Variants in ZNF827 observed in about 807,000 individuals in gnomAD.
ZNF827 encodes zinc finger protein 827.
In ZNF827, 13 loss-of-function variants were observed where a neutral mutation model predicts 102.4. The observed-to-expected ratio is 0.13, with a 90% CI of 0.08 to 0.20. The LOEUF (loss-of-function observed/expected upper bound fraction) is 0.20, where lower values mean the gene tolerates loss of function less well. Among genes scored for constraint, ZNF827 ranks in the 10% least tolerant of loss-of-function variants. The pLI is 1.00. For missense variants in ZNF827, 1,103 were observed against 1,344.4 expected (o/e 0.82, Z 2.81); for synonymous variants, 523 against 536.2 (o/e 0.98, Z 0.34).
chr4:145,857,324 T>A (rs1358343316), intron 5 of ZNF827, among the ~76,000 whole-genome samples: 1 of 152,224 alleles, frequency 6.6e-6, no homozygotes, highest in African/African-American at 2.4e-5. Context: ...GCTCAAACTC[T>A]ACAGGTAAAA....
chr4:145,938,344 G>A (rs1754389327), intron 1 of ZNF827, 21 bp downstream of exon 1: 1 of 1,613,630 alleles, frequency 6.2e-7, no homozygotes, highest in South Asian at 1.1e-5. Context: ...CACGAGAGGA[G>A]GTGGAGAAGG....
intron 7 of ZNF827, among the ~76,000 whole-genome samples, chr4:145,826,152 T>A (rs374808780): frequency 6.6e-6 from 1 of 152,180 alleles, no homozygotes; most frequent in Non-Finnish European, 1.5e-5. Flanking sequence ...TGCAGAGAGT[T>A]TGGAATCAGA....
At chr4:145,815,730 C>G (rs1341761957) in intron 8 of ZNF827, among the ~76,000 whole-genome samples, 7 of 152,160 alleles carry the variant, frequency 4.6e-5, no homozygotes, top group Non-Finnish European at 1.0e-4. Context: ...TTGAATTAGC[C>G]AGTCCCAAAC....
Position 145,765,440 on chromosome 4 carries a change from G to A in ZNF827, c.3052+107C>T, listed in dbSNP as rs1234925311. Reference sequence around the variant, plus strand: ...GGTGAGGCCCAGCATACTGCATCCTGGGCCTATTATCAGTTTTTGACATCG... The same window carrying A: ...GGTGAGGCCCAGCATACTGCATCCTAGGCCTATTATCAGTTTTTGACATCG... On this transcript the variant is annotated intron_variant, in intron 12 of 14. Transcript: ENST00000508784. The surrounding 1 kb of genome is among the most constrained non-coding windows in gnomAD (Gnocchi z 4.7). 1 of 1,333,726 alleles carries A rather than the reference G, an allele frequency of 7.5e-7. No individual in the cohort carries two copies. Among genetic ancestry groups the A allele is most frequent in the Non-Finnish European group, 1.0e-6 (1 of 982,140 alleles). 82.6% of individuals were successfully genotyped at this position (1,333,726 alleles called of 1,614,324 possible). A position where few individuals can be genotyped will look rare whatever the true frequency, so the allele number is the denominator to read the frequency against.
intron 7 of ZNF827, among the ~76,000 whole-genome samples, chr4:145,843,989 T>A (rs1470205175): frequency 2.0e-5 from 3 of 152,166 alleles, no homozygotes; most frequent in Non-Finnish European, 4.4e-5. Context: ...AGAATCTCCA[T>A]CTCTAGGGGA....
intron 6 of ZNF827, 107 bp downstream of exon 6, chr4:145,849,215 T>C (rs1237236045): frequency 7.2e-7 from 1 of 1,398,310 alleles, no homozygotes; most frequent in Non-Finnish European, 9.5e-7. Flanking sequence ...TTGATTTCTG[T>C]CTAAAAAATC....
rs544707709 is a variant in ZNF827 at position 145,780,915 on chromosome 4, CGCTGGGT to C, written c.2384-1411_2384-1405del. On this transcript the variant is annotated intron_variant, in intron 8 of 14. Coordinates refer to ENST00000508784, the MANE Select transcript of ZNF827 (RefSeq NM_001306215.2). ...TAATCCACGCAGATGAAAATGCTCA[CGCTGGGT>C]GCAGTGGCTCAAGCCTGTAATCCCA... 3.1e-3 allele frequency among the ~76,000 whole-genome samples: 475 copies of C among 152,288 alleles called. 3 individuals carry two copies. The highest frequency in any genetic ancestry group is 0.011 in the African/African-American group (446 of 41,574).
chr4:145,886,042 T>G lies in ZNF827; in HGVS notation c.1383A>C (p.Thr461=), dbSNP rs1228623796. The stretch of plus-strand genomic sequence containing the variant: ...GGATCTCCTCCTTCACCTTGGCTTC[T>G]GTCCTCAGGAAGTGCTGATGGCAAC... ...HMRCHQHFLR[T]EAKVKEEIPD... The change falls in exon 4 of 15, where the codon ACA becomes ACC. Residue 461 remains threonine, a synonymous_variant. Coordinates refer to ENST00000508784, the MANE Select transcript of ZNF827 (RefSeq NM_001306215.2). 6.2e-7 allele frequency: 1 copy of G among 1,614,086 alleles called. No homozygotes were observed. The highest frequency in any genetic ancestry group is 8.5e-7 in the Non-Finnish European group (1 of 1,180,032).
intron 1 of ZNF827, among the ~76,000 whole-genome samples, chr4:145,937,410 A>T (rs1036027565): frequency 4.0e-5 from 6 of 151,410 alleles, no homozygotes; most frequent in Non-Finnish European, 7.4e-5. Context: ...CTGACCCCGC[A>T]TTTTATTGCG....
intron 2 of ZNF827, among the ~76,000 whole-genome samples, chr4:145,894,901 A>G (rs973869136): frequency 1.3e-5 from 2 of 152,162 alleles, no homozygotes; most frequent in Non-Finnish European, 2.9e-5. Flanking sequence ...TATTTTGATC[A>G]TGAAGACTAC....
Position 145,765,516 on chromosome 4 carries a change from T to A in ZNF827, c.3052+31A>T. On this transcript the variant is annotated intron_variant, in intron 12 of 14. Transcript: ENST00000508784. This position sits in a 1 kb window ranked among gnomAD's most constrained non-coding sequence, Gnocchi z 4.7. ...AATGGGTCATCCTGGGTGCGGAGGGTTGAGCAGGCTCACACCCACCTCCTC... is the reference window on the plus strand; with the variant it reads ...AATGGGTCATCCTGGGTGCGGAGGGATGAGCAGGCTCACACCCACCTCCTC... 4 of 1,584,722 alleles carry A rather than the reference T, an allele frequency of 2.5e-6. No individual in the cohort carries two copies. Among genetic ancestry groups the A allele is most frequent in the Non-Finnish European group, 3.4e-6 (4 of 1,165,996 alleles).
intron 2 of ZNF827, among the ~76,000 whole-genome samples, chr4:145,898,042 C>A (rs2126871368): frequency 6.6e-6 from 1 of 152,270 alleles, no homozygotes; most frequent in African/African-American, 2.4e-5. Flanking sequence ...GTAGTCCCAG[C>A]TTCTCAGGAG....
intron 10 of ZNF827, 84 bp downstream of exon 10, chr4:145,775,705 A>G (rs1239597461): frequency 2.6e-6 from 4 of 1,510,196 alleles, no homozygotes; most frequent in Non-Finnish European, 3.6e-6. Flanking sequence ...GGGCCTCGTG[A>G]TGTATGCCCA....
chr4:145,838,233 A>G (rs546637510), intron 7 of ZNF827, among the ~76,000 whole-genome samples: 140 of 152,256 alleles, frequency 9.2e-4, no homozygotes, highest in African/African-American at 3.2e-3. Context: ...TTAACTGATG[A>G]CATTACCTTG....
At chr4:145,916,309 A>G (rs1303432686) in intron 1 of ZNF827, among the ~76,000 whole-genome samples, 1 of 152,138 alleles carries the variant, frequency 6.6e-6, no homozygotes, top group African/African-American at 2.4e-5. Flanking sequence ...GCACACTTCT[A>G]CCACATGAAC....
chr4:145,921,699 G>A (rs1753079913), intron 1 of ZNF827, among the ~76,000 whole-genome samples: 1 of 152,126 alleles, frequency 6.6e-6, no homozygotes, highest in African/African-American at 2.4e-5. Context: ...AGATGAGTGG[G>A]TTCATGGACA....
At chr4:145,835,284 C>G (rs979244102) in intron 7 of ZNF827, 18 of 152,182 alleles carry the variant, frequency 1.2e-4, no homozygotes, top group African/African-American at 4.3e-4. Flanking sequence ...GGGTAACTCT[C>G]ACAGTGGAAG....
chr4:145,864,538 G>A (rs1426467442), intron 5 of ZNF827, among the ~76,000 whole-genome samples: 5 of 151,624 alleles, frequency 3.3e-5, no homozygotes, highest in Admixed American at 2.6e-4. Context: ...AGGTTACAGT[G>A]AGCTATGATC....
intron 1 of ZNF827, among the ~76,000 whole-genome samples, chr4:145,922,118 C>G (rs1442023920): frequency 1.3e-5 from 2 of 152,088 alleles, no homozygotes; most frequent in African/African-American, 4.8e-5. Flanking sequence ...GGATTCTTTG[C>G]CTTTTGGGGT....
Sources: allele counts gnomAD v4.1 joint callset (sites outside exome capture counted in the v4.1 genomes callset), GRCh38; gene constraint gnomAD v4.1.1; non-coding constraint Gnocchi (gnomAD v3.1); transcripts MANE v1.5; gene names NCBI Gene and HGNC (gene_info 2026-07-23, HGNC 2026-07-21).